The following SNX29 variants were observed in gnomAD, a reference collection of about 807,000 sequenced individuals.
SNX29 encodes the protein sorting nexin-29.
A neutral mutation model predicts 102.1 loss-of-function variants in SNX29; 78 were observed. The observed-to-expected ratio is 0.76, with a 90% CI of 0.64 to 0.92. SNX29 has a LOEUF of 0.92. Ranked by LOEUF, SNX29 falls within the 40% of genes least tolerant of loss-of-function variation. SNX29 has a pLI of 0.00. For missense variants in SNX29, 1,280 were observed against 1,061.7 expected (o/e 1.21, Z -2.86); for synonymous variants, 580 against 414.5 (o/e 1.40, Z -4.85).
intron 11 of SNX29, among the ~76,000 whole-genome samples, chr16:12,109,701 T>C (rs2141256853): frequency 6.6e-6 from 1 of 151,402 alleles, no homozygotes; most frequent in East Asian, 1.9e-4. Flanking sequence ...GCAAGAAGGC[T>C]CAAGGGTTAA....
At chr16:11,982,963 C>T (rs1193756997) in intron 1 of SNX29, among the ~76,000 whole-genome samples, 2 of 151,988 alleles carry the variant, frequency 1.3e-5, no homozygotes, top group African/African-American at 4.8e-5. Context: ...CAGATTCTCA[C>T]TGTGTTGTCC....
chr16:12,369,299 C>T (rs1349907212), intron 16 of SNX29, among the ~76,000 whole-genome samples: 1 of 152,022 alleles, frequency 6.6e-6, no homozygotes, highest in East Asian at 1.9e-4. Context: ...CCGTGCCCAG[C>T]TAATTTTTGT....
chr16:12,394,070 C>A (rs575352640), intron 16 of SNX29, among the ~76,000 whole-genome samples: 1 of 152,206 alleles, frequency 6.6e-6, no homozygotes, highest in African/African-American at 2.4e-5. Flanking sequence ...CCTGGGACTT[C>A]CTAGGGGCAA....
intron 13 of SNX29, among the ~76,000 whole-genome samples, chr16:12,155,525 G>T (rs1178235861): frequency 6.6e-6 from 1 of 152,150 alleles, no homozygotes; most frequent in African/African-American, 2.4e-5. Context: ...CGTTTTCTCA[G>T]GGCAATGATG....
chr16:12,570,729 C>T lies in SNX29; in HGVS notation c.*2100C>T, dbSNP rs993579916. ...GCACAGGATGTGAATTGGTCTCTCTCCAGATACCCCACGAGGAAGCACCTT... is the reference window on the plus strand; with the variant it reads ...GCACAGGATGTGAATTGGTCTCTCTTCAGATACCCCACGAGGAAGCACCTT... On this transcript the variant is annotated 3_prime_UTR_variant, in exon 21 of 21. Transcript: ENST00000566228. 1 of 232,300 alleles carries T rather than the reference C, an allele frequency of 4.3e-6. No homozygotes were observed. Among genetic ancestry groups the T allele is most frequent in the African/African-American group, 2.2e-5 (1 of 45,284 alleles). 14.4% of individuals were successfully genotyped at this position (232,300 alleles called of 1,614,324 possible).
At chr16:12,391,315 GTTAA>G (rs2083521660) in intron 16 of SNX29, among the ~76,000 whole-genome samples, 1 of 152,128 alleles carries the variant, frequency 6.6e-6, no homozygotes, top group African/African-American at 2.4e-5. Flanking sequence ...AACATCATAG[GTTAA>G]TTAATTAACC....
intron 18 of SNX29, among the ~76,000 whole-genome samples, chr16:12,433,786 T>C (rs2085415834): frequency 6.6e-6 from 1 of 152,150 alleles, no homozygotes; most frequent in Non-Finnish European, 1.5e-5. Context: ...ATTGTGCCAC[T>C]GCACTCCAGC....
At chr16:12,293,409 G>C (rs1300848626) in intron 15 of SNX29, among the ~76,000 whole-genome samples, 1 of 152,236 alleles carries the variant, frequency 6.6e-6, no homozygotes, top group Non-Finnish European at 1.5e-5. Flanking sequence ...CTGTGATCCT[G>C]CTTTCCTGCT....
At chr16:12,549,903 T>G (rs149922749) in intron 20 of SNX29, among the ~76,000 whole-genome samples, 217 of 152,380 alleles carry the variant, frequency 1.4e-3, no homozygotes, top group African/African-American at 4.9e-3. Flanking sequence ...CAGAAAATGA[T>G]GGCCCACAGG....
rs1278791034 is a variant in SNX29, at chr16:12,571,139, A to G, written c.*2510A>G. On this transcript the variant is annotated 3_prime_UTR_variant, in exon 21 of 21. Coordinates refer to ENST00000566228, the MANE Select transcript of SNX29 (RefSeq NM_032167.5). ...AGAATGTTCTGCAATGATTGGGTCC[A>G]TCTTGCTGCTCAGAAGAATCCCGTC... The G allele has an allele frequency of 4.3e-6, 1 of 232,676 alleles. No homozygotes were observed. The highest frequency in any genetic ancestry group is 8.5e-6 in the Non-Finnish European group (1 of 117,676). The allele number at this position is 232,676 out of a possible 1,614,324, so 14.4% of individuals were successfully genotyped here. A position where few individuals can be genotyped will look rare whatever the true frequency, so the allele number is the denominator to read the frequency against.
At position 12,573,482 on chromosome 16, in the gene SNX29, A is replaced by G. The variant is rs149692295; in HGVS notation, c.*4853A>G. On this transcript the variant is annotated 3_prime_UTR_variant, in exon 21 of 21. Transcript: ENST00000566228. ...TAAGGAGCAGCGCTGCTGGCGGAAG[A>G]TTCTAGATTCACTGGTGGTTTAAGA... 8.9e-6 allele frequency: 2 copies of G among 224,404 alleles called. No homozygotes were observed. The highest frequency in any genetic ancestry group is 3.7e-4 in the South Asian group (2 of 5,452). The allele number at this position is 224,404 out of a possible 1,614,324, so 13.9% of individuals were successfully genotyped here.
At chr16:12,335,866 G>C (rs1418611807) in intron 15 of SNX29, among the ~76,000 whole-genome samples, 1 of 151,836 alleles carries the variant, frequency 6.6e-6, no homozygotes, top group Non-Finnish European at 1.5e-5. Flanking sequence ...GCCCAGGCAG[G>C]ATCACCACAT....
At chr16:12,268,886 G>C (rs1274587064) in intron 14 of SNX29, among the ~76,000 whole-genome samples, 3 of 152,124 alleles carry the variant, frequency 2.0e-5, no homozygotes, top group East Asian at 1.9e-4. Flanking sequence ...TCTGGTGCCT[G>C]CTAGCAAGCT....
At chr16:12,343,335 G>C (rs2081671267) in intron 15 of SNX29, among the ~76,000 whole-genome samples, 1 of 152,176 alleles carries the variant, frequency 6.6e-6, no homozygotes, top group South Asian at 2.1e-4. Context: ...TTAGCTTCAC[G>C]GTACTAAATA....
chr16:11,988,794 T>C (rs1323369631), intron 1 of SNX29, among the ~76,000 whole-genome samples: 1 of 152,224 alleles, frequency 6.6e-6, no homozygotes. Flanking sequence ...GTTGGCCTCC[T>C]GTTTTGCAAA....
chr16:12,101,494 C>T (rs1248133502), intron 11 of SNX29, among the ~76,000 whole-genome samples: 1 of 151,902 alleles, frequency 6.6e-6, no homozygotes, highest in African/African-American at 2.4e-5. Context: ...AGCGATTTTC[C>T]TGCCTCAGCC....
At chr16:12,566,880 A>G (rs1012874293) in intron 20 of SNX29, among the ~76,000 whole-genome samples, 3 of 152,266 alleles carry the variant, frequency 2.0e-5, no homozygotes, top group African/African-American at 7.2e-5. Context: ...CAAAGCAACA[A>G]CTTGACTTAC....
intron 20 of SNX29, among the ~76,000 whole-genome samples, chr16:12,530,267 C>T (rs1336362474): frequency 6.6e-6 from 1 of 152,164 alleles, no homozygotes; most frequent in African/African-American, 2.4e-5. Context: ...CAGCGCATCA[C>T]ACATAGTAAG....
chr16:12,549,179 T>C (rs1171894084), intron 20 of SNX29, among the ~76,000 whole-genome samples: 7 of 152,198 alleles, frequency 4.6e-5, no homozygotes, highest in Non-Finnish European at 1.0e-4. Flanking sequence ...ATGGAGTGTC[T>C]GCAGGGGCTA....
Sources: gnomAD v4.1 joint callset for allele counts (sites outside exome capture counted in the v4.1 genomes callset) on GRCh38, gnomAD v4.1.1 for gene constraint, MANE v1.5 for transcripts, NCBI Gene and HGNC (gene_info 2026-07-23, HGNC 2026-07-21) for gene names.